HIPK2: variants seen among roughly 807,000 people sequenced by gnomAD.
The protein encoded by HIPK2 is homeodomain interacting protein kinase 2.
In HIPK2, 27 loss-of-function variants were observed where a neutral mutation model predicts 113.7. That is an observed-to-expected ratio of 0.24 (90% CI 0.17 to 0.33). The LOEUF (loss-of-function observed/expected upper bound fraction) is 0.33, where lower values mean the gene tolerates loss of function less well. Among genes scored for constraint, HIPK2 ranks in the 10% least tolerant of loss-of-function variants. HIPK2 has a pLI of 1.00. For synonymous variants in HIPK2, 631 were observed against 642.2 expected (o/e 0.98, Z 0.26); for missense variants, 1,257 against 1,588.0 (o/e 0.79, Z 3.54).
In HIPK2 at chr7:139,685,402, A is replaced by G. The variant is rs190672351; in HGVS notation, c.1103+30530T>C. 5.3e-5 allele frequency among the ~76,000 whole-genome samples: 8 copies of G among 152,230 alleles called. No individual in the cohort carries two copies. The East Asian group carries it at 1.5e-3, about 29-fold the overall frequency. On this transcript the variant is annotated intron_variant, in intron 2 of 14. Coordinates refer to ENST00000406875, the MANE Select transcript of HIPK2 (RefSeq NM_022740.5). ...GGTCTCAAACTCCTGGGCTCAAGCAATCCTCCTTCCTCAGCTTCCCAAAGT... is the reference window on the plus strand; with the variant it reads ...GGTCTCAAACTCCTGGGCTCAAGCAGTCCTCCTTCCTCAGCTTCCCAAAGT...
In HIPK2 at chr7:139,683,176, G is replaced by A. The variant is rs192016699; in HGVS notation, c.1103+32756C>T. 1.2e-4 allele frequency among the ~76,000 whole-genome samples: 18 copies of A among 152,340 alleles called. No homozygotes were observed. Among genetic ancestry groups the A allele is most frequent in the Admixed American group, 9.8e-4 (15 of 15,300 alleles). ...GGGCCTGGCTCTCACCTCGGAGCCT[G>A]GACGTGACCTGCTTCATGCTTAACT... On this transcript the variant is annotated intron_variant, in intron 2 of 14. Transcript: ENST00000406875. The surrounding 1 kb of genome is among the most constrained non-coding windows in gnomAD (Gnocchi z 4.2).
At chr7:139,766,187 A>G (rs191388595) in intron 1 of HIPK2, among the ~76,000 whole-genome samples, 72 of 152,310 alleles carry the variant, frequency 4.7e-4, no homozygotes, top group African/African-American at 1.6e-3. Context: ...CCTCTGTGTA[A>G]CACTGTGGAA....
rs113824554 is a variant in HIPK2, at chr7:139,716,606, G to A, written c.429C>T (p.Ser143=). ...GTGGATGCTCCTCGATGATCTGCAC[G>A]CTGCTTGTGTTCTCGATCTCCTCGC... The part of the protein sequence containing the change: ...RKSEEIENTS[S]VQIIEEHPPM... Residue 143 remains serine (S), a synonymous_variant, in exon 2 of 15, where the codon AGC becomes AGT. Coordinates refer to ENST00000406875, the MANE Select transcript of HIPK2 (RefSeq NM_022740.5). The surrounding 1 kb of genome is among the most constrained non-coding windows in gnomAD (Gnocchi z 9.3). 2,085 of 1,613,960 alleles carry A rather than the reference G, an allele frequency of 1.3e-3. 8 individuals carry two copies. The highest frequency in any genetic ancestry group is 7.6e-4 in the Non-Finnish European group (897 of 1,179,882).
intron 2 of HIPK2, among the ~76,000 whole-genome samples, chr7:139,682,576 C>A (rs914923781): frequency 6.6e-6 from 1 of 152,174 alleles, no homozygotes; most frequent in African/African-American, 2.4e-5. Flanking sequence ...AATGACTGTG[C>A]TTGACTGCTC....
At chr7:139,617,114 C>A (rs545436199) in intron 7 of HIPK2, among the ~76,000 whole-genome samples, 50 of 152,372 alleles carry the variant, frequency 3.3e-4, no homozygotes, top group African/African-American at 1.1e-3. Flanking sequence ...AAGTTTTCTA[C>A]TTCTGTATAT....
intron 2 of HIPK2, among the ~76,000 whole-genome samples, chr7:139,675,441 A>G (rs1195263763): frequency 6.6e-6 from 1 of 152,000 alleles, no homozygotes; most frequent in Non-Finnish European, 1.5e-5. Flanking sequence ...TTGCTTCCAT[A>G]TTTAAATGTC....
chr7:139,739,864 A>C (rs1284417223), intron 1 of HIPK2, among the ~76,000 whole-genome samples: 1 of 152,206 alleles, frequency 6.6e-6, no homozygotes, highest in Non-Finnish European at 1.5e-5. Flanking sequence ...TTCAAGGTTT[A>C]CTCATGTGGT....
At chr7:139,628,906 C>T in intron 5 of HIPK2, 47 bp downstream of exon 5, 1 of 1,502,354 alleles carries the variant, frequency 6.7e-7, no homozygotes, top group African/African-American at 1.4e-5. Flanking sequence ...GTCTTGCTGC[C>T]CTTGGTTTTA....
In HIPK2 at chr7:139,565,552, C is replaced by T. The variant is rs1798064534; in HGVS notation, c.*7375G>A. The T allele has an allele frequency of 6.6e-6, 1 of 152,194 alleles. No homozygotes were observed. The highest frequency in any genetic ancestry group is 1.5e-5 in the Non-Finnish European group (1 of 68,036). 9.4% of individuals were successfully genotyped at this position (152,194 alleles called of 1,614,324 possible). A position where few individuals can be genotyped will look rare whatever the true frequency, so the allele number is the denominator to read the frequency against. Reference sequence around the variant, plus strand: ...AAAATGCATCTGTATTTCTGTTAATCTCATACCAGGGCAAGAGACACGCCT... The same window carrying T: ...AAAATGCATCTGTATTTCTGTTAATTTCATACCAGGGCAAGAGACACGCCT... On this transcript the variant is annotated 3_prime_UTR_variant, in exon 15 of 15. Coordinates refer to ENST00000406875, the MANE Select transcript of HIPK2 (RefSeq NM_022740.5).
At chr7:139,722,621 GAGTACTAAGTACACAGC>G (rs1488774502) in intron 1 of HIPK2, among the ~76,000 whole-genome samples, 2 of 151,852 alleles carry the variant, frequency 1.3e-5, no homozygotes, top group African/African-American at 4.8e-5. Context: ...TTAAAATCTT[GAGTACTAAGTACACAGC>G]AGGCTCCAGG....
rs1490744666 is a variant in HIPK2 at position 139,572,956 on chromosome 7, C to T, written c.3568G>A (p.Ala1190Thr). 5.3e-6 allele frequency: 7 copies of T among 1,315,676 alleles called. No homozygotes were observed. The highest frequency in any genetic ancestry group is 3.2e-5 in the African/African-American group (2 of 62,924). The allele number at this position is 1,315,676 out of a possible 1,614,324, so 81.5% of individuals were successfully genotyped here. ...ATGTAAGGGTACTGGTTGACCTTGG[C>T]GGGGCTCAGTGGGTATCCAGTGTAG... ...TVYTGYPLSP[A>T]KVNQYPYI Residue 1190 changes from alanine (A) to threonine (T), a missense_variant, in exon 15 of 15, where the codon GCC becomes ACC. Around this residue, in one of 5 missense-constraint regions of HIPK2, gnomAD observed 862 missense variants for 1,004.3 expected, o/e 0.86. Coordinates refer to ENST00000406875, the MANE Select transcript of HIPK2 (RefSeq NM_022740.5).
At chr7:139,612,190 C>T (rs1799855512) in intron 9 of HIPK2, among the ~76,000 whole-genome samples, 1 of 151,798 alleles carries the variant, frequency 6.6e-6, no homozygotes, top group South Asian at 2.1e-4. Context: ...AATTTGATTA[C>T]ATAAAAATTA....
intron 7 of HIPK2, 178 bp downstream of exon 7, chr7:139,620,223 G>A (rs552062499): frequency 2.4e-6 from 1 of 424,298 alleles, no homozygotes; most frequent in Non-Finnish European, 3.2e-6. Context: ...GGGGCCAGAA[G>A]TCAACACAAA....
At chr7:139,707,320 C>T (rs554594269) in intron 2 of HIPK2, among the ~76,000 whole-genome samples, 8 of 152,386 alleles carry the variant, frequency 5.2e-5, no homozygotes, top group African/African-American at 1.9e-4. Context: ...ACCCGCAAAG[C>T]CCTGAGGCTC....
chr7:139,588,513 TAAA>T (rs767272668), intron 12 of HIPK2, among the ~76,000 whole-genome samples: 2 of 124,986 alleles, frequency 1.6e-5, no homozygotes, highest in Admixed American at 7.8e-5. Flanking sequence ...CAGACTGTCT[TAAA>T]AAAAAAAAAA....
In HIPK2 at chr7:139,575,119, G is replaced by T; in HGVS notation, c.3126+9C>A. 1 of 1,588,108 alleles carries T rather than the reference G, an allele frequency of 6.3e-7. No homozygotes were observed. Among genetic ancestry groups the T allele is most frequent in the Non-Finnish European group, 8.6e-7 (1 of 1,167,894 alleles). Reference sequence around the variant, plus strand: ...CTGCCTGGCCTGGGGCGCCAGCTGTGGGGCTTACCTGGCTGAGATTGAGTG... The same window carrying T: ...CTGCCTGGCCTGGGGCGCCAGCTGTTGGGCTTACCTGGCTGAGATTGAGTG... On this transcript the variant is annotated intron_variant, in intron 14 of 14. Transcript: ENST00000406875.
chr7:139,739,919 C>T (rs150090073), intron 1 of HIPK2, among the ~76,000 whole-genome samples: 2 of 152,308 alleles, frequency 1.3e-5, no homozygotes, highest in East Asian at 3.9e-4. Context: ...AAATAATATT[C>T]AGTGGACTAT....
At chr7:139,757,585 TAAC>T (rs914646341) in intron 1 of HIPK2, among the ~76,000 whole-genome samples, 1 of 152,150 alleles carries the variant, frequency 6.6e-6, no homozygotes, top group African/African-American at 2.4e-5. Flanking sequence ...TGAACCTTGA[TAAC>T]AAGCTAAGTG....
chr7:139,764,794 G>A (rs1470828680), intron 1 of HIPK2, among the ~76,000 whole-genome samples: 1 of 152,184 alleles, frequency 6.6e-6, no homozygotes, highest in East Asian at 1.9e-4. Flanking sequence ...AAACAGGTGG[G>A]TTAACTCAAT....
Sources: allele counts gnomAD v4.1 joint callset (sites outside exome capture counted in the v4.1 genomes callset), GRCh38; gene constraint gnomAD v4.1.1; regional missense constraint gnomAD v4.1.1; non-coding constraint Gnocchi (gnomAD v3.1); transcripts MANE v1.5; gene names NCBI Gene and HGNC (gene_info 2026-07-23, HGNC 2026-07-21).